Variants in SRSF5 observed in about 807,000 individuals in gnomAD.
SRSF5 encodes serine/arginine-rich splicing factor 5.
In SRSF5, 5 loss-of-function variants were observed where a neutral mutation model predicts 34.0. The observed-to-expected ratio is 0.15, with a 90% CI of 0.08 to 0.31. The LOEUF (loss-of-function observed/expected upper bound fraction) is 0.31, where lower values mean the gene tolerates loss of function less well. Among genes scored for constraint, SRSF5 ranks in the 10% least tolerant of loss-of-function variants. The pLI is 1.00. For missense variants in SRSF5, 223 were observed against 351.4 expected, an observed-to-expected ratio of 0.63 and a Z score of 2.92; for synonymous variants, 164 against 117.7, an observed-to-expected ratio of 1.39 and a Z score of -2.55.
chr14:69,768,832 G>A lies in SRSF5; in HGVS notation c.232G>A (p.Gly78Ser). The stretch of plus-strand genomic sequence containing the variant: ...TGAACATGCTAGGGCTCGGTCACGA[G>A]GTGGAAGAGGTAGAGGACGATACTC... ...TIEHARARSR[G>S]GRGRGRYSDR... Residue 78 changes from glycine (G) to serine (S), a missense_variant, in exon 4 of 8, where the codon GGT becomes AGT. Transcript: ENST00000557154. 2 of 1,614,242 alleles carry A rather than the reference G, an allele frequency of 1.2e-6. No homozygotes were observed. Among genetic ancestry groups the A allele is most frequent in the Non-Finnish European group, 1.7e-6 (2 of 1,180,046 alleles).
At chr14:69,769,843 C>T (rs1436010230) in intron 5 of SRSF5, 2 of 1,279,044 alleles carry the variant, frequency 1.6e-6, no homozygotes, top group Non-Finnish European at 2.0e-6. Flanking sequence ...GTAAAGTGGT[C>T]CTTGGTAACT....
In SRSF5 at chr14:69,770,493, T is replaced by C. The variant is rs1883072589; in HGVS notation, c.393T>C (p.Ala131=). 7.4e-6 allele frequency: 12 copies of C among 1,614,144 alleles called. No homozygotes were observed. Among genetic ancestry groups the C allele is most frequent in the Non-Finnish European group, 1.0e-5 (12 of 1,180,030 alleles). ...WQDLKDFMRQ[A]GEVTFADAHR... Reference sequence around the variant, plus strand: ...ATCTCAAAGATTTCATGAGACAAGCTGGGGAAGTAACGTTTGCGGATGCAC... The same window carrying C: ...ATCTCAAAGATTTCATGAGACAAGCCGGGGAAGTAACGTTTGCGGATGCAC... Residue 131 remains alanine (A), a synonymous_variant, in exon 6 of 8, where the codon GCT becomes GCC. Coordinates refer to ENST00000557154, the MANE Select transcript of SRSF5 (RefSeq NM_001320214.2).
chr14:69,767,288 G>T (rs1452532624), intron 1 of SRSF5, 33 bp downstream of exon 1: 1 of 411,190 alleles, frequency 2.4e-6, no homozygotes, highest in Admixed American at 3.5e-5. Context: ...AAGCCTTCTC[G>T]GATCGAGGCT....
chr14:69,768,754 T>C (rs1242682481), intron 3 of SRSF5, 44 bp from the exon 4 acceptor site: 9 of 1,611,824 alleles, frequency 5.6e-6, no homozygotes, highest in African/African-American at 4.0e-5. Context: ...AGTAGATTTA[T>C]GTAGCTTAAG....
chr14:69,767,952 T>G (rs1416316225), intron 1 of SRSF5, 186 bp from the exon 2 acceptor site: 2 of 574,798 alleles, frequency 3.5e-6, no homozygotes, highest in Non-Finnish European at 6.0e-6. Context: ...TAGCGGACCG[T>G]GTTGGGAGGG....
At chr14:69,768,499 T>TCG in intron 2 of SRSF5, 105 bp from the exon 3 acceptor site, 2 of 1,277,776 alleles carry the variant, frequency 1.6e-6, no homozygotes, top group Non-Finnish European at 1.1e-6. Flanking sequence ...TATGGCAGTG[T>TCG]CGTTAAGATA....
In SRSF5 at chr14:69,771,208, G is replaced by A. The variant is rs781612280; in HGVS notation, c.566G>A (p.Arg189Lys). ...GSKRHSRSRS[R>K]SRSRTRSSSR... ...ATTTTTCATAGTAGGTCAAGAAGCA[G>A]GTCTCGATCCCGGACCAGAAGTTCC... Residue 189 changes from arginine (R) to lysine (K), a missense_variant, in exon 8 of 8, where the codon AGG becomes AAG. Arg to Lys is a conservative substitution (Grantham distance 26). Around this residue, in one of 4 missense-constraint regions of SRSF5, gnomAD observed 115 missense variants for 119.7 expected, o/e 0.96. Transcript: ENST00000557154. 1 of 1,614,140 alleles carries A rather than the reference G, an allele frequency of 6.2e-7. No homozygotes were observed. Among genetic ancestry groups the A allele is most frequent in the East Asian group, 2.2e-5 (1 of 44,882 alleles).
At chr14:69,768,479 G>C (rs1296906476) in intron 2 of SRSF5, 125 bp from the exon 3 acceptor site, 2 of 1,225,796 alleles carry the variant, frequency 1.6e-6, no homozygotes, top group Non-Finnish European at 2.3e-6. Context: ...TCCTTGATTA[G>C]GTTTGACTGT....
At chr14:69,768,398 T>C (rs922209142) in intron 2 of SRSF5, 116 bp downstream of exon 2, 3 of 1,455,366 alleles carry the variant, frequency 2.1e-6, no homozygotes, top group Non-Finnish European at 2.8e-6. Flanking sequence ...TACCCAGCCT[T>C]ATGTCTGAAT....
intron 1 of SRSF5, 105 bp from the exon 2 acceptor site, chr14:69,768,033 C>T: frequency 2.3e-6 from 3 of 1,316,896 alleles, no homozygotes; most frequent in South Asian, 2.7e-5. Flanking sequence ...TCGTTCATAA[C>T]ATCACTGTGT....
intron 4 of SRSF5, 124 bp from the exon 5 acceptor site, chr14:69,769,058 A>C (rs537821432): frequency 7.5e-7 from 1 of 1,335,616 alleles, no homozygotes; most frequent in East Asian, 2.4e-5. Flanking sequence ...GTCATAGAAC[A>C]CAAATCTATT....
intron 5 of SRSF5, 136 bp downstream of exon 5, chr14:69,769,387 T>A: frequency 6.7e-7 from 1 of 1,499,540 alleles, no homozygotes; most frequent in South Asian, 1.3e-5. Flanking sequence ...AAACATTTAA[T>A]TAAATGTAAT....
rs1385463127 is a variant in SRSF5, at chr14:69,770,121, CTT to C, written c.367-345_367-344del. On this transcript the variant is annotated intron_variant, in intron 5 of 7. Transcript: ENST00000557154. Reference sequence around the variant, plus strand: ...AAATGTTCTGTTTTTTTAAATAAAACTTCTCTACTTTAGTCTTTACTTTAAAA... The same window carrying C: ...AAATGTTCTGTTTTTTTAAATAAAACCTCTACTTTAGTCTTTACTTTAAAA... 3 of 1,034,028 alleles carry C rather than the reference CTT, an allele frequency of 2.9e-6. No individual in the cohort carries two copies. The African/African-American group carries it at 5.1e-5, about 18-fold the overall frequency. 64.1% of individuals were successfully genotyped at this position (1,034,028 alleles called of 1,614,324 possible).
At position 69,771,343 on chromosome 14, in the gene SRSF5, C is replaced by T. The variant is rs766697535; in HGVS notation, c.701C>T (p.Pro234Leu). The T allele has an allele frequency of 1.2e-6, 2 of 1,614,048 alleles. No individual in the cohort carries two copies. The highest frequency in any genetic ancestry group is 1.3e-5 in the African/African-American group (1 of 74,910). Residue 234 changes from proline to leucine, a missense_variant, in exon 8 of 8, where the codon CCC becomes CTC. Physicochemically the swap from Pro to Leu is moderately conservative, Grantham distance 98. Transcript: ENST00000557154. ...RSKSRSVSRS[P>L]VPEKSQKRGS... ...AAGTCCCGTTCTGTTAGTAGGTCTC[C>T]CGTGCCTGAGAAGAGCCAGAAACGT...
chr14:69,769,106 C>G (rs768462325), intron 4 of SRSF5, 76 bp from the exon 5 acceptor site: 1 of 1,546,830 alleles, frequency 6.5e-7, no homozygotes, highest in Non-Finnish European at 8.9e-7. Flanking sequence ...TATCTGATGG[C>G]TTGAACTTGC....
At chr14:69,769,119 A>G (rs761758768) in intron 4 of SRSF5, 63 bp from the exon 5 acceptor site, 3 of 1,588,436 alleles carry the variant, frequency 1.9e-6, no homozygotes, top group South Asian at 1.1e-5. Flanking sequence ...GAACTTGCCC[A>G]CAGTTGAACA....
chr14:69,770,748 T>C (rs1566628316), intron 6 of SRSF5: 2 of 641,250 alleles, frequency 3.1e-6, no homozygotes, highest in Non-Finnish European at 5.4e-6. Flanking sequence ...GCTGTTGGCA[T>C]GTAGTCAGTA....
Position 69,771,088 on chromosome 14 carries a change from A to G in SRSF5, c.534A>G (p.Glu178=). The change falls in exon 7 of 8, where the codon GAA becomes GAG. Residue 178 remains glutamate (E), a synonymous_variant. Transcript: ENST00000557154. ...ATGGGAGAAAAATAAAATTAATTGAAGGCAGCAAAAGGCACAGGTATCTCT... is the reference window on the plus strand; with the variant it reads ...ATGGGAGAAAAATAAAATTAATTGAGGGCAGCAAAAGGCACAGGTATCTCT... ...EINGRKIKLI[E]GSKRHSRSRS... is the part of the protein sequence containing the mutation. 1.2e-6 allele frequency: 2 copies of G among 1,613,756 alleles called. No individual in the cohort carries two copies. Among genetic ancestry groups the G allele is most frequent in the East Asian group, 2.2e-5 (1 of 44,894 alleles).
At chr14:69,769,791 T>G in intron 5 of SRSF5, 1 of 1,355,538 alleles carries the variant, frequency 7.4e-7, no homozygotes, top group Non-Finnish European at 9.5e-7. Flanking sequence ...CGAAAAGAGT[T>G]GAAAGATACG....
Sources: allele counts gnomAD v4.1 joint callset, GRCh38; gene constraint gnomAD v4.1.1; regional missense constraint gnomAD v4.1.1; transcripts MANE v1.5; gene names NCBI Gene and HGNC (gene_info 2026-07-23, HGNC 2026-07-21).